Variants in REL observed in about 807,000 individuals in gnomAD.
REL encodes the protein proto-oncogene c-Rel.
REL carries 15 observed loss-of-function variants against 45.9 expected under a neutral mutation model. The ratio of observed to expected loss-of-function variants is 0.33; its 90% confidence interval spans 0.22 to 0.50. REL has a LOEUF of 0.50. Ranked by LOEUF, REL falls within the 20% of genes least tolerant of loss-of-function variation. The pLI, the probability that REL is intolerant of heterozygous loss-of-function variation, is 0.98. For missense variants in REL, 601 were observed against 715.2 expected, an observed-to-expected ratio of 0.84 and a Z score of 1.82; for synonymous variants, 239 against 242.1, an observed-to-expected ratio of 0.99 and a Z score of 0.12.
intron 1 of REL, among the ~76,000 whole-genome samples, chr2:60,885,668 A>G (rs190363032): frequency 1.1e-3 from 163 of 152,276 alleles, no homozygotes; most frequent in African/African-American, 3.8e-3. Flanking sequence ...AATAGATCTT[A>G]TTTTCTTTTT....
In REL at chr2:60,925,000, T is replaced by C. The variant is rs762674117; in HGVS notation, c.*2465T>C. On this transcript the variant is annotated 3_prime_UTR_variant, in exon 10 of 10. Coordinates refer to ENST00000394479, the MANE Select transcript of REL (RefSeq NM_001291746.2). ...CAAAACGTAGTTATATTTTGGAGTT[T>C]TCATTTGATATATAATTATTTATTT... The C allele has an allele frequency of 4.9e-4, 101 of 204,178 alleles. No homozygotes were observed. Among genetic ancestry groups the C allele is most frequent in the Middle Eastern group, 1.7e-3 (1 of 604 alleles). The allele number at this position is 204,178 out of a possible 1,614,324, so 12.6% of individuals were successfully genotyped here.
At chr2:60,915,570 A>G (rs566966069) in intron 4 of REL, among the ~76,000 whole-genome samples, 2 of 152,368 alleles carry the variant, frequency 1.3e-5, no homozygotes, top group South Asian at 4.1e-4. Flanking sequence ...AGTACAAAAT[A>G]CATTATCAGT....
At chr2:60,910,573 T>C (rs550696130) in intron 4 of REL, among the ~76,000 whole-genome samples, 3 of 152,110 alleles carry the variant, frequency 2.0e-5, no homozygotes, top group Admixed American at 2.0e-4. Flanking sequence ...TTTAAACTAG[T>C]TTAAGAGGAA....
In REL at chr2:60,929,845, G is replaced by T. The variant is rs900098921; in HGVS notation, c.*7310G>T. 4.7e-5 allele frequency: 7 copies of T among 150,000 alleles called. No individual in the cohort carries two copies. The highest frequency in any genetic ancestry group is 1.5e-4 in the African/African-American group (6 of 40,970). The allele number at this position is 150,000 out of a possible 1,614,324, so 9.3% of individuals were successfully genotyped here. A position where few individuals can be genotyped will look rare whatever the true frequency, so the allele number is the denominator to read the frequency against. On this transcript the variant is annotated 3_prime_UTR_variant, in exon 10 of 10. Transcript: ENST00000394479. ...AAAAAATAAATAAATAAATAAATAAGAAAAAGAAAGCCAGGCATGGTGACA... is the reference window on the plus strand; with the variant it reads ...AAAAAATAAATAAATAAATAAATAATAAAAAGAAAGCCAGGCATGGTGACA...
intron 1 of REL, among the ~76,000 whole-genome samples, chr2:60,890,521 G>A (rs1673182858): frequency 6.6e-6 from 1 of 152,160 alleles, no homozygotes; most frequent in Admixed American, 6.5e-5. Flanking sequence ...CAGCACTAAA[G>A]TGATTAAGGG....
At chr2:60,911,201 A>G (rs1028676946) in intron 4 of REL, 1 of 152,230 alleles carries the variant, frequency 6.6e-6, no homozygotes, top group African/African-American at 2.4e-5. Context: ...GTAGAGGCAT[A>G]GGATTGAAAA....
intron 4 of REL, among the ~76,000 whole-genome samples, chr2:60,905,606 C>G (rs149858408): frequency 3.2e-4 from 49 of 152,098 alleles, no homozygotes; most frequent in African/African-American, 1.1e-3. Flanking sequence ...GTGTTAGCAG[C>G]CAAAAGTATC....
At chr2:60,881,882 G>C in intron 1 of REL, 32 bp downstream of exon 1, 1 of 1,434,532 alleles carries the variant, frequency 7.0e-7, no homozygotes, top group South Asian at 1.4e-5. Flanking sequence ...GCCTGGGCCG[G>C]GGGAAAGGAG....
chr2:60,910,496 A>C (rs1012169776), intron 4 of REL, among the ~76,000 whole-genome samples: 2 of 136,954 alleles, frequency 1.5e-5, no homozygotes, highest in East Asian at 2.2e-4. Flanking sequence ...AAAAAAAAAA[A>C]CATAAAAAGG....
At chr2:60,888,557 G>A (rs575841042) in intron 1 of REL, among the ~76,000 whole-genome samples, 7 of 152,268 alleles carry the variant, frequency 4.6e-5, no homozygotes, top group South Asian at 4.1e-4. Flanking sequence ...GGATAAAATC[G>A]TGAAATACTC....
chr2:60,921,948 A>G lies in REL; in HGVS notation c.1177A>G (p.Thr393Ala). ...CCACCCCACCCCACGCTCAGGCAAT[A>G]CAAACCCACTGAGTAGTTTTTCAAC... ...VAHPTPRSGN[T>A]NPLSSFSTRT... Residue 393 changes from threonine (T) to alanine (A), a missense_variant, in exon 10 of 10, where the codon ACA becomes GCA. By Grantham distance (58) the Thr-to-Ala change is moderately conservative (BLOSUM62 0). Transcript: ENST00000394479. The G allele has an allele frequency of 1.9e-6, 3 of 1,614,128 alleles. No individual in the cohort carries two copies. The highest frequency in any genetic ancestry group is 2.5e-6 in the Non-Finnish European group (3 of 1,180,012).
At chr2:60,918,813 G>A (rs1450883070) in intron 7 of REL, among the ~76,000 whole-genome samples, 1 of 151,874 alleles carries the variant, frequency 6.6e-6, no homozygotes, top group Non-Finnish European at 1.5e-5. Context: ...TTGTTTTTGA[G>A]ACAGAGTCTC....
intron 4 of REL, among the ~76,000 whole-genome samples, chr2:60,904,811 G>A (rs527394094): frequency 6.6e-6 from 1 of 152,240 alleles, no homozygotes; most frequent in East Asian, 1.9e-4. Flanking sequence ...AATTGCTTCA[G>A]CCTGGGAGGT....
intron 4 of REL, among the ~76,000 whole-genome samples, chr2:60,914,838 T>TTG (rs1418564860): frequency 2.7e-5 from 4 of 149,588 alleles, no homozygotes; most frequent in African/African-American, 9.9e-5. Context: ...TTTTTTTGTT[T>TTG]TTTTTTTTTT....
At chr2:60,913,710 T>C (rs1260001603) in intron 4 of REL, among the ~76,000 whole-genome samples, 1 of 152,220 alleles carries the variant, frequency 6.6e-6, no homozygotes, top group Non-Finnish European at 1.5e-5. Flanking sequence ...CATTCTGAAC[T>C]GTGGGTTTTC....
intron 4 of REL, among the ~76,000 whole-genome samples, chr2:60,907,262 T>A (rs746004984): frequency 6.6e-6 from 1 of 152,050 alleles, no homozygotes; most frequent in Non-Finnish European, 1.5e-5. Context: ...ATAACTTTGA[T>A]TACATGTTTT....
Position 60,924,457 on chromosome 2 carries a change from T to A in REL, c.*1922T>A, listed in dbSNP as rs1039523366. 9.4e-6 allele frequency: 2 copies of A among 213,692 alleles called. No homozygotes were observed. Among genetic ancestry groups the A allele is most frequent in the Non-Finnish European group, 1.9e-5 (2 of 105,932 alleles). 13.2% of individuals were successfully genotyped at this position (213,692 alleles called of 1,614,324 possible). A position where few individuals can be genotyped will look rare whatever the true frequency, so the allele number is the denominator to read the frequency against. ...AATAACTTTAATTATAAGACGTATA[T>A]GATTTTTGCAGTTTTACTTAGTGTG... is the stretch of plus-strand genomic sequence containing the variant. On this transcript the variant is annotated 3_prime_UTR_variant, in exon 10 of 10. Coordinates refer to ENST00000394479, the MANE Select transcript of REL (RefSeq NM_001291746.2).
chr2:60,894,015 G>A (rs569663133), intron 2 of REL, among the ~76,000 whole-genome samples: 71 of 152,148 alleles, frequency 4.7e-4, no homozygotes, highest in African/African-American at 1.7e-3. Flanking sequence ...TTTCCAATAC[G>A]GCTTAAATAT....
Position 60,894,433 on chromosome 2 carries a change from A to G in REL, c.190A>G (p.Thr64Ala). ...NYYGKGKVRI[T>A]LVTKNDPYKP... The stretch of plus-strand genomic sequence containing the variant: ...TTATGGAAAAGGAAAAGTGAGAATT[A>G]CATTAGTAACAAAGAATGACCCATA... The change falls in exon 3 of 10, where the codon ACA becomes GCA. Residue 64 changes from threonine (T) to alanine (A), a missense_variant. Thr to Ala is a moderately conservative substitution (Grantham distance 58, BLOSUM62 0). Transcript: ENST00000394479. 3 of 1,583,466 alleles carry G rather than the reference A, an allele frequency of 1.9e-6. No individual in the cohort carries two copies. Among genetic ancestry groups the G allele is most frequent in the Non-Finnish European group, 2.6e-6 (3 of 1,160,898 alleles).
Sources: allele counts gnomAD v4.1 joint callset (sites outside exome capture counted in the v4.1 genomes callset), GRCh38; gene constraint gnomAD v4.1.1; transcripts MANE v1.5; gene names NCBI Gene and HGNC (gene_info 2026-07-23, HGNC 2026-07-21).